Variants in SYNRG observed in about 807,000 individuals in gnomAD.
SYNRG encodes the protein synergin gamma, also known as AP1 gamma subunit binding protein 1.
SYNRG carries 37 observed loss-of-function variants against 130.9 expected under a neutral mutation model. The observed-to-expected ratio is 0.28, with a 90% CI of 0.22 to 0.37. The LOEUF is 0.37. Among genes scored for constraint, SYNRG ranks in the 10% least tolerant of loss-of-function variants. The pLI, the probability that SYNRG is intolerant of heterozygous loss-of-function variation, is 1.00. For synonymous variants in SYNRG, 539 were observed against 568.1 expected, an observed-to-expected ratio of 0.95 and a Z score of 0.73; for missense variants, 1,338 against 1,588.9, an observed-to-expected ratio of 0.84 and a Z score of 2.68.
chr17:37,600,840 T>C (rs151094837), intron 1 of SYNRG: 154 of 193,538 alleles, frequency 8.0e-4, no homozygotes, highest in Middle Eastern at 6.7e-3. Context: ...AAATTATTAA[T>C]AGAGATGAGA....
At position 37,577,944 on chromosome 17, in the gene SYNRG, C is replaced by T. The variant is rs141083027; in HGVS notation, c.590-331G>A. 4.1e-3 allele frequency among the ~76,000 whole-genome samples: 622 copies of T among 151,400 alleles called. 3 individuals are homozygous for T. The highest frequency in any genetic ancestry group is 5.4e-3 in the Admixed American group (82 of 15,224). Reference sequence around the variant, plus strand: ...CGAACTCCTGACCTGAGGTGATCTACCCACCTCAGCCTCCCAAAGTGCTGG... The same window carrying T: ...CGAACTCCTGACCTGAGGTGATCTATCCACCTCAGCCTCCCAAAGTGCTGG... On this transcript the variant is annotated intron_variant, in intron 6 of 21. Coordinates refer to ENST00000612223, the MANE Select transcript of SYNRG (RefSeq NM_007247.6).
chr17:37,590,209 T>C (rs2062049755), intron 3 of SYNRG, among the ~76,000 whole-genome samples: 1 of 151,784 alleles, frequency 6.6e-6, no homozygotes, highest in Non-Finnish European at 1.5e-5. Flanking sequence ...AACTTAACTT[T>C]TTTTAAATAA....
chr17:37,529,056 C>G (rs2056305361), intron 19 of SYNRG, among the ~76,000 whole-genome samples: 1 of 152,174 alleles, frequency 6.6e-6, no homozygotes, highest in Admixed American at 6.5e-5. Context: ...TATAACCTTA[C>G]CTGGTGTCTT....
intron 13 of SYNRG, 82 bp from the exon 14 acceptor site, chr17:37,554,141 A>T (rs2058921761): frequency 7.7e-7 from 1 of 1,294,786 alleles, no homozygotes; most frequent in Non-Finnish European, 1.1e-6. Context: ...CTGCAAGCAT[A>T]ATTTTACTGA....
intron 1 of SYNRG, chr17:37,605,793 C>T (rs958321676): frequency 1.5e-5 from 15 of 981,814 alleles, no homozygotes; most frequent in African/African-American, 1.4e-4. Flanking sequence ...ACTGACATCT[C>T]GGTATGAAAG....
chr17:37,524,926 C>A (rs542575737), intron 19 of SYNRG, among the ~76,000 whole-genome samples: 1 of 152,314 alleles, frequency 6.6e-6, no homozygotes, highest in African/African-American at 2.4e-5. Context: ...TGGGAAAACT[C>A]TGAATCCTGA....
chr17:37,568,951 A>C, intron 10 of SYNRG, 27 bp from the exon 11 acceptor site: 2 of 1,593,614 alleles, frequency 1.3e-6, no homozygotes, highest in Non-Finnish European at 1.7e-6. Context: ...CATTTAAATA[A>C]ATAGCACTGA....
intron 3 of SYNRG, among the ~76,000 whole-genome samples, chr17:37,588,611 C>T (rs1188680372): frequency 6.6e-6 from 1 of 152,184 alleles, no homozygotes; most frequent in East Asian, 1.9e-4. Flanking sequence ...ACTGGAGTTA[C>T]ACACAATATT....
At position 37,586,489 on chromosome 17, in the gene SYNRG, A is replaced by T; in HGVS notation, c.301T>A (p.Phe101Ile). ...GGGCCTGGAGGACGCATGCCCAGGA[A>T]GGGTGCTTGTCCTAGGTAAGGCATT... ...AGMPYLGQAP[F>I]LGMRPPGPQY... Residue 101 changes from phenylalanine (F) to isoleucine (I), a missense_variant, in exon 4 of 22, where the codon TTC becomes ATC. Physicochemically the swap from Phe to Ile is conservative, Grantham distance 21 (BLOSUM62 0). Around this residue, in one of 3 missense-constraint regions of SYNRG, gnomAD observed 184 missense variants for 217.2 expected, o/e 0.85. Transcript: ENST00000612223. 6.2e-7 allele frequency: 1 copy of T among 1,614,210 alleles called. No individual in the cohort carries two copies. Among genetic ancestry groups the T allele is most frequent in the Non-Finnish European group, 8.5e-7 (1 of 1,180,038 alleles).
intron 10 of SYNRG, 132 bp downstream of exon 10, chr17:37,570,505 C>T: frequency 1.6e-6 from 2 of 1,246,250 alleles, no homozygotes; most frequent in Non-Finnish European, 2.1e-6. Context: ...AGCAGTTTTT[C>T]TGAAAGATAC....
At position 37,573,356 on chromosome 17, in the gene SYNRG, T is replaced by C. The variant is rs1258532972; in HGVS notation, c.902-1369A>G. Among the ~76,000 whole-genome samples, 6 of 152,140 alleles carry C rather than the reference T, an allele frequency of 3.9e-5. No individual in the cohort carries two copies. The East Asian group carries it at 7.7e-4, about 20-fold the overall frequency. ...AGGCAGAGGTTGCAGTGAGCCGAGA[T>C]TGCGCCACTGCACTCCAGCCTGGGT... On this transcript the variant is annotated intron_variant, in intron 8 of 21. Transcript: ENST00000612223.
intron 2 of SYNRG, 64 bp from the exon 3 acceptor site, chr17:37,596,408 G>A: frequency 6.3e-7 from 1 of 1,577,626 alleles, no homozygotes; most frequent in Non-Finnish European, 8.6e-7. Context: ...AAAACCATAA[G>A]TACCTAAAGG....
Position 37,571,913 on chromosome 17 carries a change from T to A in SYNRG, c.976A>T (p.Met326Leu), listed in dbSNP as rs374329061. 3.1e-6 allele frequency: 5 copies of A among 1,614,100 alleles called. No homozygotes were observed. In the African/African-American group the frequency reaches 6.7e-5, roughly 22 times the overall value. Residue 326 changes from methionine (M) to leucine (L), a missense_variant, in exon 9 of 22, where the codon ATG becomes TTG. By Grantham distance (15) the Met-to-Leu change is conservative. Around this residue, in one of 3 missense-constraint regions of SYNRG, gnomAD observed 1,146 missense variants for 1,342.3 expected, o/e 0.85. Coordinates refer to ENST00000612223, the MANE Select transcript of SYNRG (RefSeq NM_007247.6). Reference protein sequence around the residue: ...IDTAKLYPILMSSGLPRETLG... With the variant: ...IDTAKLYPILLSSGLPRETLG... ...GTTTCCCTGGGAAGCCCAGATGACA[T>A]CAGAATGGGATACAGTTTGGCAGTA... is the stretch of plus-strand genomic sequence containing the variant.
chr17:37,538,278 A>C, intron 18 of SYNRG, 46 bp downstream of exon 18: 1 of 1,380,684 alleles, frequency 7.2e-7, no homozygotes. Flanking sequence ...ACTGAAAATA[A>C]TGCAAAGGGC....
intron 1 of SYNRG, among the ~76,000 whole-genome samples, chr17:37,607,114 T>TA (rs2063817350): frequency 6.6e-6 from 1 of 152,194 alleles, no homozygotes; most frequent in Admixed American, 6.5e-5. Flanking sequence ...TTTTTCAAGG[T>TA]AAGAATCATT....
intron 19 of SYNRG, 139 bp from the exon 20 acceptor site, chr17:37,520,787 A>C: frequency 1.5e-6 from 1 of 687,384 alleles, no homozygotes; most frequent in Non-Finnish European, 2.6e-6. Context: ...TTAACCTCCC[A>C]CACATCCACT....
intron 14 of SYNRG, 104 bp downstream of exon 14, chr17:37,553,011 C>A: frequency 9.6e-7 from 1 of 1,045,962 alleles, no homozygotes; most frequent in Non-Finnish European, 1.4e-6. Context: ...ATTAGAGATT[C>A]ATAAAGCTAA....
intron 11 of SYNRG, among the ~76,000 whole-genome samples, chr17:37,563,777 CTG>C (rs1021893273): frequency 5.3e-5 from 8 of 151,752 alleles, no homozygotes; most frequent in Admixed American, 5.2e-4. Context: ...CTCAAGTGAT[CTG>C]TCCGCCTTGG....
chr17:37,533,253 T>A (rs184241770), intron 19 of SYNRG, among the ~76,000 whole-genome samples: 82 of 152,226 alleles, frequency 5.4e-4, no homozygotes, highest in African/African-American at 1.9e-3. Flanking sequence ...ATATAAAAAT[T>A]AGCTGGGCGT....
Sources: gnomAD v4.1 joint callset for allele counts (sites outside exome capture counted in the v4.1 genomes callset) on GRCh38, gnomAD v4.1.1 for gene constraint, gnomAD v4.1.1 regional missense constraint, MANE v1.5 for transcripts, NCBI Gene and HGNC (gene_info 2026-07-23, HGNC 2026-07-21) for gene names.